Variants in ELP3 observed in about 807,000 individuals in gnomAD.
The protein encoded by ELP3 is elongator acetyltransferase complex subunit 3.
A neutral mutation model predicts 74.9 loss-of-function variants in ELP3; 56 were observed. The ratio of observed to expected loss-of-function variants is 0.75; its 90% CI spans 0.60 to 0.93. ELP3 has a LOEUF of 0.93. ELP3 is among the 40% of genes least tolerant of loss of function. The probability of loss-of-function intolerance (pLI) is 0.00; values close to 1 mark genes in which losing one functional copy is unlikely to be tolerated. For synonymous variants in ELP3, 222 were observed against 239.8 expected (o/e 0.93, Z 0.68); for missense variants, 573 against 686.5 (o/e 0.83, Z 1.85).
intron 10 of ELP3, among the ~76,000 whole-genome samples, chr8:28,144,774 C>T (rs1813368696): frequency 6.6e-6 from 1 of 152,214 alleles, no homozygotes; most frequent in South Asian, 2.1e-4. Context: ...CGTGGTGGCT[C>T]ACGCCTGTTT....
chr8:28,136,882 A>G (rs1813010647), intron 9 of ELP3, among the ~76,000 whole-genome samples: 1 of 152,238 alleles, frequency 6.6e-6, no homozygotes, highest in Non-Finnish European at 1.5e-5. Flanking sequence ...GGAAAGGAGA[A>G]TGCCTGGTGT....
At chr8:28,094,199 T>C (rs2167768) in intron 1 of ELP3, among the ~76,000 whole-genome samples, 75,098 of 152,046 alleles carry the variant, frequency 0.49, 19,209 homozygotes, top group African/African-American at 0.62. Context: ...ATTCTTTTAG[T>C]TTCTTCTGTC....
At chr8:28,184,021 T>C (rs1173384987) in intron 14 of ELP3, among the ~76,000 whole-genome samples, 1 of 152,168 alleles carries the variant, frequency 6.6e-6, no homozygotes, top group Admixed American at 6.5e-5. Context: ...AAAGTTACTA[T>C]GACAGAGGAC....
At chr8:28,120,259 T>C (rs540982734) in intron 7 of ELP3, among the ~76,000 whole-genome samples, 9 of 152,316 alleles carry the variant, frequency 5.9e-5, no homozygotes, top group African/African-American at 2.2e-4. Flanking sequence ...TAGTCACTCT[T>C]TTTAATTTTA....
chr8:28,099,045 C>T (rs1034343568), intron 2 of ELP3, among the ~76,000 whole-genome samples: 1 of 152,228 alleles, frequency 6.6e-6, no homozygotes, highest in African/African-American at 2.4e-5. Flanking sequence ...CACATTTGAA[C>T]ATAGCAGGTA....
chr8:28,124,301 T>C (rs1812489996), intron 7 of ELP3, among the ~76,000 whole-genome samples: 2 of 152,160 alleles, frequency 1.3e-5, no homozygotes, highest in Admixed American at 1.3e-4. Context: ...TCAGGAGACA[T>C]AGTCTCCAGA....
chr8:28,152,074 A>G (rs1813661855), intron 10 of ELP3, among the ~76,000 whole-genome samples: 1 of 152,126 alleles, frequency 6.6e-6, no homozygotes, highest in African/African-American at 2.4e-5. Context: ...CACGACTTCC[A>G]CTAGGAGTCT....
intron 10 of ELP3, among the ~76,000 whole-genome samples, chr8:28,141,447 A>C (rs1813233972): frequency 6.6e-6 from 1 of 152,236 alleles, no homozygotes; most frequent in Admixed American, 6.5e-5. Context: ...CATGACAATT[A>C]AATACAATGT....
chr8:28,120,680 T>C lies in ELP3; in HGVS notation c.617+7507T>C, dbSNP rs545515734. Among the ~76,000 whole-genome samples, 10 of 152,348 alleles carry C rather than the reference T, an allele frequency of 6.6e-5. No individual in the cohort carries two copies. In the South Asian group the frequency reaches 1.7e-3, roughly 25 times the overall value. ...TTCTTCTAATTACAGGTTTGAGCTT[T>C]CACTTACAGGTTTATGTTCCATCTT... On this transcript the variant is annotated intron_variant, in intron 7 of 14. Coordinates refer to ENST00000256398, the MANE Select transcript of ELP3 (RefSeq NM_018091.6).
intron 10 of ELP3, among the ~76,000 whole-genome samples, chr8:28,141,743 A>G (rs1043479821): frequency 1.4e-4 from 22 of 152,208 alleles, no homozygotes; most frequent in African/African-American, 5.1e-4. Flanking sequence ...ATCTAAACTA[A>G]TACACTAGAC....
At position 28,134,752 on chromosome 8, in the gene ELP3, ATCTTT is replaced by A. The variant is rs755994010; in HGVS notation, c.906+2353_906+2357del. 2.4e-4 allele frequency among the ~76,000 whole-genome samples: 36 copies of A among 152,326 alleles called. 1 individual carries two copies. In the South Asian group the frequency reaches 4.3e-3, roughly 18 times the overall value. Reference sequence around the variant, plus strand: ...TGGTCTTGTATTGTGGATATAATTTATCTTTTCTTATCTCTCTGAAGAAATTTATT... The same window carrying A: ...TGGTCTTGTATTGTGGATATAATTTATCTTATCTCTCTGAAGAAATTTATT... On this transcript the variant is annotated intron_variant, in intron 9 of 14. Coordinates refer to ENST00000256398, the MANE Select transcript of ELP3 (RefSeq NM_018091.6).
intron 14 of ELP3, among the ~76,000 whole-genome samples, chr8:28,172,148 A>G (rs575717538): frequency 1.3e-5 from 2 of 152,090 alleles, no homozygotes; most frequent in African/African-American, 4.8e-5. Flanking sequence ...TTCAAATTCC[A>G]TATGATTTTT....
intron 14 of ELP3, among the ~76,000 whole-genome samples, chr8:28,170,879 C>T (rs1814497608): frequency 6.6e-6 from 1 of 152,150 alleles, no homozygotes; most frequent in Non-Finnish European, 1.5e-5. Flanking sequence ...AGCAGTAACT[C>T]CCAGTTCCCC....
At chr8:28,136,518 C>A (rs993000447) in intron 9 of ELP3, among the ~76,000 whole-genome samples, 1 of 152,082 alleles carries the variant, frequency 6.6e-6, no homozygotes, top group Non-Finnish European at 1.5e-5. Flanking sequence ...TATTAAAGAC[C>A]TGATGATTCT....
chr8:28,140,905 A>C (rs981782083), intron 10 of ELP3, among the ~76,000 whole-genome samples: 2 of 152,206 alleles, frequency 1.3e-5, no homozygotes, highest in Non-Finnish European at 2.9e-5. Flanking sequence ...ATATCAGATA[A>C]GGTGTGTTTA....
At chr8:28,099,712 C>G (rs752179147) in intron 2 of ELP3, 116 bp from the exon 3 acceptor site, 2 of 1,131,650 alleles carry the variant, frequency 1.8e-6, no homozygotes, top group African/African-American at 3.0e-5. Flanking sequence ...ATCCTTGTCA[C>G]GTGGTGAAGG....
At chr8:28,133,184 T>G (rs1326750881) in intron 9 of ELP3, among the ~76,000 whole-genome samples, 1 of 152,196 alleles carries the variant, frequency 6.6e-6, no homozygotes, top group Admixed American at 6.5e-5. Context: ...CATTTTGAAA[T>G]TGTAATAATA....
Position 28,160,374 on chromosome 8 carries a change from G to T in ELP3, c.1403G>T (p.Gly468Val). The T allele has an allele frequency of 3.1e-6, 5 of 1,614,190 alleles. No homozygotes were observed. Among genetic ancestry groups the T allele is most frequent in the Non-Finnish European group, 4.2e-6 (5 of 1,180,036 alleles). Residue 468 changes from glycine (G) to valine (V), a missense_variant, in exon 13 of 15, where the codon GGT becomes GTT. Physicochemically the swap from Gly to Val is moderately radical, Grantham distance 109 (BLOSUM62 -3). Coordinates refer to ENST00000256398, the MANE Select transcript of ELP3 (RefSeq NM_018091.6). ...ACTTTCCGTTTCGAATTGGGTGGAG[G>T]TGTCTCCATAGTACGAGAGCTGCAT... ...EETFRFELGGGVSIVRELHVY... is the reference protein window; with the variant it reads ...EETFRFELGGVVSIVRELHVY...
upstream of ELP3, among the ~76,000 whole-genome samples, chr8:28,090,970 A>C (rs1471911631): frequency 2.7e-5 from 4 of 145,960 alleles, no homozygotes; most frequent in African/African-American, 7.7e-5. Context: ...GCAGTGGTGC[A>C]ATCTCGGCTC....
Sources: allele counts gnomAD v4.1 joint callset (sites outside exome capture counted in the v4.1 genomes callset), GRCh38; gene constraint gnomAD v4.1.1; transcripts MANE v1.5; gene names NCBI Gene and HGNC (gene_info 2026-07-23, HGNC 2026-07-21).